SGCZ: variants seen among roughly 807,000 people sequenced by gnomAD.
The protein encoded by SGCZ is sarcoglycan zeta.
SGCZ carries 40 observed loss-of-function variants against 41.3 expected under a neutral mutation model. The observed-to-expected ratio is 0.97, with a 90% CI of 0.75 to 1.26. The LOEUF (loss-of-function observed/expected upper bound fraction) is 1.26, where lower values mean the gene tolerates loss of function less well. Among genes scored for constraint, SGCZ ranks in the 50% most tolerant of loss-of-function variants. The pLI, the probability that SGCZ is intolerant of heterozygous loss-of-function variation, is 0.00. For synonymous variants in SGCZ, 206 were observed against 137.5 expected (o/e 1.50, Z -3.49); for missense variants, 552 against 369.8 (o/e 1.49, Z -4.04).
intron 3 of SGCZ, among the ~76,000 whole-genome samples, chr8:14,310,511 T>A (rs145842594): frequency 0.013 from 1,931 of 152,264 alleles, 41 homozygotes; most frequent in African/African-American, 0.043. Flanking sequence ...ATCTTTTTTT[T>A]ATTTTTATTA....
At chr8:15,216,063 A>C (rs542870875) in intron 1 of SGCZ, among the ~76,000 whole-genome samples, 13 of 152,208 alleles carry the variant, frequency 8.5e-5, no homozygotes, top group African/African-American at 2.6e-4. Flanking sequence ...AGCATCCAGA[A>C]CATCTCAAGT....
rs1803691395 is a variant in SGCZ at position 14,151,014 on chromosome 8, A to G, written c.547+13566T>C. On this transcript the variant is annotated intron_variant, in intron 5 of 7. Coordinates refer to ENST00000382080, the MANE Select transcript of SGCZ (RefSeq NM_139167.4). ...TGAACATAGTAAAACGATGATTACCAGACGCTGGGAATGGTAGTGGGGATG... is the reference window on the plus strand; with the variant it reads ...TGAACATAGTAAAACGATGATTACCGGACGCTGGGAATGGTAGTGGGGATG... Among the ~76,000 whole-genome samples, 3 of 152,290 alleles carry G rather than the reference A, an allele frequency of 2.0e-5. No individual in the cohort carries two copies. In the South Asian group the frequency reaches 6.2e-4, roughly 32 times the overall value.
intron 1 of SGCZ, among the ~76,000 whole-genome samples, chr8:14,759,725 G>T (rs1384035916): frequency 6.6e-6 from 1 of 152,182 alleles, no homozygotes; most frequent in African/African-American, 2.4e-5. Flanking sequence ...GAGTTAGCCA[G>T]TTGTGACAGC....
Position 14,727,265 on chromosome 8 carries a change from C to G in SGCZ, c.40-172339G>C, listed in dbSNP as rs1010783073. Reference sequence around the variant, plus strand: ...TCAACAGGATTATAAAAATGAAAGCCACAGTAAGATTCTATTTGAATACTG... The same window carrying G: ...TCAACAGGATTATAAAAATGAAAGCGACAGTAAGATTCTATTTGAATACTG... On this transcript the variant is annotated intron_variant, in intron 1 of 7. Coordinates refer to ENST00000382080, the MANE Select transcript of SGCZ (RefSeq NM_139167.4). 2.6e-5 allele frequency among the ~76,000 whole-genome samples: 4 copies of G among 151,944 alleles called. No individual in the cohort carries two copies. The South Asian group carries it at 8.3e-4, about 31-fold the overall frequency.
At chr8:14,591,256 T>G (rs1805230365) in intron 1 of SGCZ, among the ~76,000 whole-genome samples, 1 of 151,970 alleles carries the variant, frequency 6.6e-6, no homozygotes, top group South Asian at 2.1e-4. Flanking sequence ...ATTTCTCTGA[T>G]TCCTCTGGAA....
chr8:14,968,411 A>C (rs971501308), intron 1 of SGCZ, among the ~76,000 whole-genome samples: 2 of 152,192 alleles, frequency 1.3e-5, no homozygotes, highest in Non-Finnish European at 2.9e-5. Context: ...AGGATTTGCT[A>C]TAAACCAGAG....
At chr8:15,181,995 A>G (rs142957370) in intron 1 of SGCZ, among the ~76,000 whole-genome samples, 1 of 152,328 alleles carries the variant, frequency 6.6e-6, no homozygotes, top group Non-Finnish European at 1.5e-5. Flanking sequence ...TGGGTAAGCC[A>G]TAGAATGGTG....
intron 1 of SGCZ, among the ~76,000 whole-genome samples, chr8:14,715,914 G>C (rs1016770802): frequency 1.3e-5 from 2 of 152,050 alleles, no homozygotes; most frequent in African/African-American, 4.8e-5. Flanking sequence ...CAATTTGGTA[G>C]AAATAAAGAT....
chr8:15,165,555 C>T (rs1260181161), intron 1 of SGCZ, among the ~76,000 whole-genome samples: 4 of 152,152 alleles, frequency 2.6e-5, no homozygotes, highest in African/African-American at 9.7e-5. Context: ...AACTAAGAAG[C>T]CATACCTTGG....
chr8:14,160,418 C>G (rs1284503138), intron 5 of SGCZ, among the ~76,000 whole-genome samples: 2 of 152,050 alleles, frequency 1.3e-5, no homozygotes, highest in Non-Finnish European at 2.9e-5. Context: ...GTTGTGTTGA[C>G]TAGGTCTCAA....
chr8:14,177,967 T>C (rs1253033495), intron 4 of SGCZ, among the ~76,000 whole-genome samples: 1 of 138,012 alleles, frequency 7.2e-6, no homozygotes, highest in African/African-American at 2.7e-5. Flanking sequence ...TCTTTTTTTT[T>C]TTTTTTTTGA....
At chr8:15,022,772 G>T (rs1414611406) in intron 1 of SGCZ, among the ~76,000 whole-genome samples, 4 of 152,092 alleles carry the variant, frequency 2.6e-5, no homozygotes, top group Non-Finnish European at 5.9e-5. Flanking sequence ...ATTCAATGTA[G>T]CTATTTTACC....
intron 1 of SGCZ, among the ~76,000 whole-genome samples, chr8:14,706,079 A>T (rs1439633983): frequency 1.3e-5 from 2 of 151,882 alleles, no homozygotes; most frequent in East Asian, 1.9e-4. Flanking sequence ...TTGCTGAAGA[A>T]CCCTATTTTT....
In SGCZ at chr8:14,086,329, C is replaced by A. The variant is rs907557845; in HGVS notation, c.*4114G>T. Among the ~76,000 whole-genome samples the A allele has an allele frequency of 6.6e-6, 1 of 151,662 alleles. No individual in the cohort carries two copies. Among genetic ancestry groups the A allele is most frequent in the East Asian group, 1.9e-4 (1 of 5,150 alleles). On this transcript the variant is annotated 3_prime_UTR_variant, in exon 8 of 8. Transcript: ENST00000382080. ...AAATATAACACTCATATGCATTAGA[C>A]GCTCTCCAGGCTATTGCTGCCTCAT... is the stretch of plus-strand genomic sequence containing the variant.
chr8:14,254,359 G>A (rs910526672), intron 3 of SGCZ, among the ~76,000 whole-genome samples: 10 of 152,248 alleles, frequency 6.6e-5, no homozygotes, highest in African/African-American at 2.4e-4. Flanking sequence ...TAAAGCATTC[G>A]CTTGTAAATT....
chr8:14,172,675 C>T (rs1027149986), intron 4 of SGCZ, among the ~76,000 whole-genome samples: 7 of 152,088 alleles, frequency 4.6e-5, no homozygotes, highest in Admixed American at 2.6e-4. Flanking sequence ...ACATCGTTTT[C>T]CTAAGGACCA....
intron 3 of SGCZ, among the ~76,000 whole-genome samples, chr8:14,296,655 C>G (rs933424471): frequency 6.6e-6 from 1 of 151,934 alleles, no homozygotes; most frequent in Non-Finnish European, 1.5e-5. Context: ...TCAAGGTAGA[C>G]TAGGGTACAT....
At chr8:14,325,705 T>C (rs1346102994) in intron 2 of SGCZ, among the ~76,000 whole-genome samples, 1 of 143,438 alleles carries the variant, frequency 7.0e-6, no homozygotes, top group African/African-American at 2.6e-5. Context: ...TATAATTATA[T>C]ATACATATCT....
chr8:14,321,870 T>G (rs1400513116), intron 3 of SGCZ, among the ~76,000 whole-genome samples: 1 of 152,120 alleles, frequency 6.6e-6, no homozygotes, highest in Admixed American at 6.6e-5. Flanking sequence ...ATTATTGAAA[T>G]GTTTGTGTTC....
Sources: allele counts gnomAD v4.1 joint callset (sites outside exome capture counted in the v4.1 genomes callset), GRCh38; gene constraint gnomAD v4.1.1; transcripts MANE v1.5; gene names NCBI Gene and HGNC (gene_info 2026-07-23, HGNC 2026-07-21).